Variants in PRKN observed in about 807,000 individuals in gnomAD.
PRKN encodes parkin RBR E3 ubiquitin protein ligase, also known as E3 ubiquitin-protein ligase parkin.
In PRKN, 56 loss-of-function variants were observed where a neutral mutation model predicts 59.5. The observed-to-expected ratio is 0.94, with a 90% confidence interval of 0.76 to 1.18. PRKN has a LOEUF of 1.18. Among genes scored for constraint, PRKN ranks in the 50% most tolerant of loss-of-function variants. The probability of loss-of-function intolerance (pLI) is 0.00; values close to 1 mark genes in which losing one functional copy is unlikely to be tolerated. For synonymous variants in PRKN, 250 were observed against 222.1 expected, an observed-to-expected ratio of 1.13 and a Z score of -1.12; for missense variants, 657 against 596.4, an observed-to-expected ratio of 1.10 and a Z score of -1.06.
intron 1 of PRKN, among the ~76,000 whole-genome samples, chr6:162,654,303 TC>T (rs1778558076): frequency 6.6e-6 from 1 of 152,142 alleles, no homozygotes; most frequent in African/African-American, 2.4e-5. Context: ...AGAAATATCA[TC>T]CTATGAGATG....
At chr6:162,255,476 G>A (rs1779603810) in intron 3 of PRKN, among the ~76,000 whole-genome samples, 1 of 152,134 alleles carries the variant, frequency 6.6e-6, no homozygotes, top group Non-Finnish European at 1.5e-5. Context: ...ACAAAACAGT[G>A]CACTATTCAC....
intron 1 of PRKN, among the ~76,000 whole-genome samples, chr6:162,585,711 T>A (rs948253963): frequency 1.3e-5 from 2 of 152,136 alleles, no homozygotes; most frequent in East Asian, 1.9e-4. Context: ...ATTATTAATT[T>A]ATTTATTTGA....
chr6:161,819,324 C>A (rs574895795), intron 6 of PRKN, among the ~76,000 whole-genome samples: 1 of 152,110 alleles, frequency 6.6e-6, no homozygotes, highest in African/African-American at 2.4e-5. Context: ...AACCCTATCT[C>A]TACTAAAAAT....
At chr6:162,688,997 C>T (rs1207377648) in intron 1 of PRKN, among the ~76,000 whole-genome samples, 1 of 152,064 alleles carries the variant, frequency 6.6e-6, no homozygotes, top group Admixed American at 6.6e-5. Context: ...AACACTGTTC[C>T]CTATTATCCT....
At chr6:161,703,814 C>A (rs1452359029) in intron 7 of PRKN, among the ~76,000 whole-genome samples, 1 of 140,098 alleles carries the variant, frequency 7.1e-6, no homozygotes, top group Non-Finnish European at 1.5e-5. Flanking sequence ...CACATGAGGA[C>A]ACACATCTCT....
At chr6:162,499,462 T>C (rs1022599882) in intron 1 of PRKN, among the ~76,000 whole-genome samples, 3 of 152,192 alleles carry the variant, frequency 2.0e-5, no homozygotes, top group Non-Finnish European at 4.4e-5. Flanking sequence ...GATACTCTTA[T>C]CTGCATGCCC....
intron 9 of PRKN, among the ~76,000 whole-genome samples, chr6:161,492,495 T>C (rs1777596359): frequency 6.6e-6 from 1 of 152,266 alleles, no homozygotes; most frequent in Non-Finnish European, 1.5e-5. Context: ...GGTCAGCTAA[T>C]GCTGTTTTGG....
chr6:162,073,738 C>A (rs1041324355), intron 4 of PRKN, among the ~76,000 whole-genome samples: 6 of 152,246 alleles, frequency 3.9e-5, no homozygotes, highest in Non-Finnish European at 8.8e-5. Flanking sequence ...AGGCTTGATG[C>A]CCTGCCCTCA....
At chr6:162,357,219 T>C (rs982898482) in intron 2 of PRKN, among the ~76,000 whole-genome samples, 1 of 152,074 alleles carries the variant, frequency 6.6e-6, no homozygotes, top group African/African-American at 2.4e-5. Flanking sequence ...ATTCACAAAA[T>C]ATATATCTGA....
intron 6 of PRKN, among the ~76,000 whole-genome samples, chr6:161,886,698 A>AAAAAT (rs1216705270): frequency 1.9e-5 from 2 of 106,962 alleles, no homozygotes; most frequent in African/African-American, 4.3e-5. Context: ...ACTTGTTCTC[A>AAAAAT]AAAATAAAAT....
chr6:161,436,881 G>A (rs911649890), intron 9 of PRKN, among the ~76,000 whole-genome samples: 29 of 151,964 alleles, frequency 1.9e-4, no homozygotes, highest in African/African-American at 6.5e-4. Flanking sequence ...TAGGGAGACC[G>A]GTCACCCTCT....
chr6:161,419,213 T>C lies in PRKN; in HGVS notation c.1084-32336A>G, dbSNP rs564097872. On this transcript the variant is annotated intron_variant, in intron 9 of 11. Transcript: ENST00000366898. This position sits in a 1 kb window ranked among gnomAD's most constrained non-coding sequence, Gnocchi z 4.1. The stretch of plus-strand genomic sequence containing the variant: ...GATGCTTCTTGTGCGTGATCTCACC[T>C]GTTCCCCCACTTATGTGACCATTTT... Among the ~76,000 whole-genome samples the C allele has an allele frequency of 6.6e-6, 1 of 152,260 alleles. No individual in the cohort carries two copies. The highest frequency in any genetic ancestry group is 1.5e-5 in the Non-Finnish European group (1 of 68,008).
intron 2 of PRKN, chr6:162,263,149 C>A: frequency 3.5e-6 from 1 of 287,508 alleles, no homozygotes. Flanking sequence ...GTGTGATTTC[C>A]GCTCATTGCA....
chr6:161,371,170 A>T lies in PRKN; in HGVS notation c.1168-10965T>A, dbSNP rs1225394228. 8.0e-5 allele frequency among the ~76,000 whole-genome samples: 12 copies of T among 149,194 alleles called. No homozygotes were observed. In the South Asian group the frequency reaches 1.1e-3, roughly 13 times the overall value. On this transcript the variant is annotated intron_variant, in intron 10 of 11. Transcript: ENST00000366898. This position sits in a 1 kb window ranked among gnomAD's most constrained non-coding sequence, Gnocchi z 5.5. ...TGTATATATTTAAATGTATTTTGTT[A>T]TTTTTTTTTTTGAGACGTTGTTTCG...
At chr6:162,623,034 C>T (rs1562445842) in intron 1 of PRKN, among the ~76,000 whole-genome samples, 1 of 152,150 alleles carries the variant, frequency 6.6e-6, no homozygotes, top group African/African-American at 2.4e-5. Context: ...TTTAATGCTA[C>T]CATATGAGAA....
chr6:161,520,777 G>T (rs1196170850), intron 9 of PRKN, among the ~76,000 whole-genome samples: 1 of 152,138 alleles, frequency 6.6e-6, no homozygotes, highest in Non-Finnish European at 1.5e-5. Flanking sequence ...TGATGAGTAG[G>T]CTTGACTTAT....
intron 1 of PRKN, among the ~76,000 whole-genome samples, chr6:162,562,924 TGGTG>T (rs1779901492): frequency 6.6e-6 from 1 of 152,216 alleles, no homozygotes; most frequent in Admixed American, 6.5e-5. Flanking sequence ...AAAGTCATAG[TGGTG>T]GTGGCCACAG....
intron 2 of PRKN, among the ~76,000 whole-genome samples, chr6:162,271,184 A>G (rs1454510298): frequency 6.6e-6 from 1 of 151,962 alleles, no homozygotes; most frequent in Non-Finnish European, 1.5e-5. Context: ...TGTGGTTGGA[A>G]GCCCATCACA....
At chr6:162,578,665 T>C (rs1483489694) in intron 1 of PRKN, among the ~76,000 whole-genome samples, 1 of 152,226 alleles carries the variant, frequency 6.6e-6, no homozygotes, top group Non-Finnish European at 1.5e-5. Context: ...ACTTTTCAAA[T>C]GGTTTCAATA....
Sources: gnomAD v4.1 joint callset for allele counts (sites outside exome capture counted in the v4.1 genomes callset) on GRCh38, gnomAD v4.1.1 for gene constraint, Gnocchi (gnomAD v3.1) non-coding constraint, MANE v1.5 for transcripts, NCBI Gene and HGNC (gene_info 2026-07-23, HGNC 2026-07-21) for gene names.